Variants in TOX2 observed in about 807,000 individuals in gnomAD.
TOX2 encodes granulosa cell HMG box 1.
A neutral mutation model predicts 47.4 loss-of-function variants in TOX2; 15 were observed. The observed-to-expected ratio is 0.32, with a 90% confidence interval of 0.21 to 0.49. The LOEUF (loss-of-function observed/expected upper bound fraction) is 0.49. Ranked by LOEUF, TOX2 falls within the 20% of genes least tolerant of loss-of-function variation. The pLI is 0.99. For synonymous variants in TOX2, 290 were observed against 296.6 expected, an observed-to-expected ratio of 0.98 and a Z score of 0.23; for missense variants, 622 against 673.1, an observed-to-expected ratio of 0.92 and a Z score of 0.84.
chr20:43,946,482 G>A (rs926968936), intron 1 of TOX2, among the ~76,000 whole-genome samples: 4 of 152,166 alleles, frequency 2.6e-5, no homozygotes, highest in Admixed American at 2.0e-4. Context: ...AGGCAAGACG[G>A]GTGAGAAGCA....
intron 1 of TOX2, among the ~76,000 whole-genome samples, chr20:43,946,330 C>G (rs1030084740): frequency 6.6e-6 from 1 of 152,084 alleles, no homozygotes; most frequent in Admixed American, 6.5e-5. Context: ...TCAGCACACC[C>G]TGCAGTAGGC....
At chr20:43,953,686 G>C (rs1355580861) in intron 1 of TOX2, among the ~76,000 whole-genome samples, 2 of 152,192 alleles carry the variant, frequency 1.3e-5, no homozygotes, top group African/African-American at 2.4e-5. Flanking sequence ...TGGTGGGAGG[G>C]TGAAGGATGG....
At chr20:43,935,378 T>G (rs1219133151) in intron 1 of TOX2, among the ~76,000 whole-genome samples, 3 of 152,170 alleles carry the variant, frequency 2.0e-5, no homozygotes, top group Non-Finnish European at 4.4e-5. Context: ...ACATGGAAAC[T>G]GTTAGTGCTA....
chr20:44,042,865 AGACATAG>A (rs1430649790), intron 3 of TOX2, among the ~76,000 whole-genome samples: 1 of 152,188 alleles, frequency 6.6e-6, no homozygotes, highest in African/African-American at 2.4e-5. Context: ...GGAGTGTGAA[AGACATAG>A]GATTCATTAT....
At chr20:43,934,136 GGAGAGA>G (rs56662660) in intron 1 of TOX2, among the ~76,000 whole-genome samples, 19 of 122,164 alleles carry the variant, frequency 1.6e-4, no homozygotes, top group Admixed American at 3.3e-4. Context: ...CCCAAGGTAA[GGAGAGA>G]GAGAGAGAGA....
At chr20:44,000,597 T>C (rs1448526084) in intron 2 of TOX2, among the ~76,000 whole-genome samples, 1 of 151,862 alleles carries the variant, frequency 6.6e-6, no homozygotes, top group African/African-American at 2.4e-5. Context: ...GGCTCGGTGG[T>C]AAGAACTGGA....
chr20:44,029,338 C>T (rs1390864372), intron 3 of TOX2, among the ~76,000 whole-genome samples: 4 of 152,176 alleles, frequency 2.6e-5, no homozygotes, highest in African/African-American at 4.8e-5. Context: ...ACTCTGTAAC[C>T]GTGGGTAAGA....
At chr20:44,064,883 G>A (rs777571502) in intron 6 of TOX2, 26 bp downstream of exon 6, 1 of 1,610,950 alleles carries the variant, frequency 6.2e-7, no homozygotes, top group Non-Finnish European at 8.5e-7. Context: ...TCCAGGCACA[G>A]CCCTGATCAG....
chr20:43,945,567 G>A (rs2069454271), intron 1 of TOX2: 1 of 264,702 alleles, frequency 3.8e-6, no homozygotes, highest in African/African-American at 2.2e-5. Context: ...GCCTTCCGAA[G>A]GCTCTTCCAG....
chr20:44,068,083 TG>T (rs1273415651), intron 8 of TOX2, among the ~76,000 whole-genome samples: 1 of 152,080 alleles, frequency 6.6e-6, no homozygotes, highest in Non-Finnish European at 1.5e-5. Flanking sequence ...CATGGGTGGG[TG>T]GACTCAGCTC....
chr20:43,945,762 G>A (rs2145363001), intron 1 of TOX2: 1 of 1,137,646 alleles, frequency 8.8e-7, no homozygotes, highest in East Asian at 2.5e-5. Flanking sequence ...TTTGATAAAA[G>A]AGGTTAAATA....
chr20:44,064,974 A>C, intron 6 of TOX2, 117 bp downstream of exon 6: 1 of 894,640 alleles, frequency 1.1e-6, no homozygotes, highest in East Asian at 2.5e-5. Context: ...AGAATGGCTC[A>C]GACCTACATG....
intron 2 of TOX2, among the ~76,000 whole-genome samples, chr20:44,000,484 G>A (rs1312248697): frequency 6.6e-6 from 1 of 152,172 alleles, no homozygotes. Flanking sequence ...GGAGGGGTAG[G>A]TTCTCTCTTA....
At position 44,021,226 on chromosome 20, in the gene TOX2, C is replaced by T. The variant is rs191447131; in HGVS notation, c.411+14434C>T. ...ATGGGGGAGAGGGGTGTGCATATGC[C>T]GGGGAAGGGATGGATCAGCAAAGCC... is the stretch of plus-strand genomic sequence containing the variant. On this transcript the variant is annotated intron_variant, in intron 3 of 8. Transcript: ENST00000341197. Among the ~76,000 whole-genome samples, 7 of 151,908 alleles carry T rather than the reference C, an allele frequency of 4.6e-5. No individual in the cohort carries two copies. In the East Asian group the frequency reaches 5.8e-4, roughly 13 times the overall value.
rs377514723 is a variant in TOX2 at position 43,917,617 on chromosome 20, C to G, written c.99+2627C>G. On this transcript the variant is annotated intron_variant, in intron 1 of 8. Transcript: ENST00000341197. ...GGGCTCTTGGCGACCGTCCCCTTGG[C>G]GACCATCCCCTTGGCGACTGTCCCC... 1.1e-4 allele frequency among the ~76,000 whole-genome samples: 17 copies of G among 152,256 alleles called. 1 individual carries two copies. Among genetic ancestry groups the G allele is most frequent in the Admixed American group, 6.5e-4 (10 of 15,296 alleles).
At chr20:43,988,307 A>T (rs2070308586) in intron 2 of TOX2, among the ~76,000 whole-genome samples, 1 of 152,186 alleles carries the variant, frequency 6.6e-6, no homozygotes. Context: ...AAATCTTGTT[A>T]ATGGAATATG....
At chr20:43,953,468 G>C (rs995471501) in intron 1 of TOX2, among the ~76,000 whole-genome samples, 1 of 152,058 alleles carries the variant, frequency 6.6e-6, no homozygotes, top group African/African-American at 2.4e-5. Context: ...CTCCCAACCC[G>C]CATGCTCCAA....
chr20:44,003,207 G>A (rs1158380254), intron 2 of TOX2, among the ~76,000 whole-genome samples: 32 of 135,686 alleles, frequency 2.4e-4, no homozygotes, highest in African/African-American at 7.7e-4. Context: ...TTTTTTTTAA[G>A]ATGAGGTCTC....
rs543586736 is a variant in TOX2 at position 44,048,562 on chromosome 20, G to C, written c.412-2744G>C. ...TCTCTAAGGAAAATGTAATTTATATGTTATCTATACTGTTCCAGGGCATAA... is the reference window on the plus strand; with the variant it reads ...TCTCTAAGGAAAATGTAATTTATATCTTATCTATACTGTTCCAGGGCATAA... On this transcript the variant is annotated intron_variant, in intron 3 of 8. Transcript: ENST00000341197. Among the ~76,000 whole-genome samples the C allele has an allele frequency of 3.1e-4, 47 of 151,430 alleles. 1 individual carries two copies. The South Asian group carries it at 9.4e-3, about 30-fold the overall frequency.
Sources: gnomAD v4.1 joint callset for allele counts (sites outside exome capture counted in the v4.1 genomes callset) on GRCh38, gnomAD v4.1.1 for gene constraint, MANE v1.5 for transcripts, NCBI Gene and HGNC (gene_info 2026-07-23, HGNC 2026-07-21) for gene names.